PXMP2: variants seen among roughly 807,000 people sequenced by gnomAD.
The protein encoded by PXMP2 is 22 kDa peroxisomal membrane protein.
Under a neutral mutation model 20.2 loss-of-function variants are expected in PXMP2, and 13 were observed. The ratio of observed to expected loss-of-function variants is 0.64; its 90% confidence interval spans 0.42 to 1.02. The LOEUF (loss-of-function observed/expected upper bound fraction) is 1.02, where lower values mean the gene tolerates loss of function less well. PXMP2 is among the 50% of genes least tolerant of loss of function. The pLI is 0.00. For missense variants in PXMP2, 284 were observed against 251.8 expected (o/e 1.13, Z -0.87); for synonymous variants, 113 against 111.2 (o/e 1.02, Z -0.10).
At chr12:132,693,649 G>T (rs1213347266) in intron 2 of PXMP2, among the ~76,000 whole-genome samples, 24 of 100,698 alleles carry the variant, frequency 2.4e-4, no homozygotes, top group East Asian at 5.8e-4. Context: ...GCCAGTTAGT[G>T]AGCGCCCTTG....
Position 132,696,118 on chromosome 12 carries a change from A to C in PXMP2, c.399+72A>C. 1 of 1,448,614 alleles carries C rather than the reference A, an allele frequency of 6.9e-7. No homozygotes were observed. The highest frequency in any genetic ancestry group is 9.2e-7 in the Non-Finnish European group (1 of 1,081,962). The allele number at this position is 1,448,614 out of a possible 1,614,324, so 89.7% of individuals were successfully genotyped here. Reference sequence around the variant, plus strand: ...GGATTCTTCACCTGACATTCTCGGCAGAATTCAGAGGGTCTGCAGATTTTT... The same window carrying C: ...GGATTCTTCACCTGACATTCTCGGCCGAATTCAGAGGGTCTGCAGATTTTT... On this transcript the variant is annotated intron_variant, in intron 3 of 4. Transcript: ENST00000317479. This position sits in a 1 kb window ranked among gnomAD's most constrained non-coding sequence, Gnocchi z 4.4.
Position 132,687,768 on chromosome 12 carries a change from C to A in PXMP2, c.98C>A (p.Pro33Gln). 1.7e-6 allele frequency: 2 copies of A among 1,188,748 alleles called. No individual in the cohort carries two copies. Among genetic ancestry groups the A allele is most frequent in the Non-Finnish European group, 2.1e-6 (2 of 961,088 alleles). The allele number at this position is 1,188,748 out of a possible 1,614,324, so 73.6% of individuals were successfully genotyped here. ...AQYLLFLRLY[P>Q]VLTKAATSGI... Reference sequence around the variant, plus strand: ...TACCTGCTCTTCCTGCGGCTCTACCCGGTGCTCACCAAGGCGGCCACCAGG... The same window carrying A: ...TACCTGCTCTTCCTGCGGCTCTACCAGGTGCTCACCAAGGCGGCCACCAGG... Residue 33 changes from proline (P) to glutamine (Q), a missense_variant, in exon 1 of 5, where the codon CCG (proline) becomes CAG (glutamine). Pro to Gln is a moderately conservative substitution (Grantham distance 76). Coordinates refer to ENST00000317479, the MANE Select transcript of PXMP2 (RefSeq NM_018663.3).
intron 3 of PXMP2, 88 bp from the exon 4 acceptor site, chr12:132,701,161 TA>T: frequency 1.9e-6 from 3 of 1,558,780 alleles, no homozygotes; most frequent in Non-Finnish European, 2.6e-6. Context: ...AATAGCAGTT[TA>T]AAAACCATCA....
intron 2 of PXMP2, 136 bp from the exon 3 acceptor site, chr12:132,695,748 T>G (rs2043406356): frequency 6.1e-6 from 5 of 815,876 alleles, no homozygotes; most frequent in Non-Finnish European, 8.9e-6. Context: ...CCGACTTATC[T>G]GTACAGACCT....
At chr12:132,689,410 G>A (rs181710447) in intron 1 of PXMP2, among the ~76,000 whole-genome samples, 537 of 152,308 alleles carry the variant, frequency 3.5e-3, no homozygotes, top group Non-Finnish European at 6.3e-3. Context: ...GAACAGCAGG[G>A]CAAAGGTCTC....
intron 4 of PXMP2, chr12:132,702,483 C>T (rs1593110288): frequency 2.4e-6 from 1 of 412,790 alleles, no homozygotes; most frequent in Non-Finnish European, 4.9e-6. Flanking sequence ...GCACCCCCTG[C>T]AGCATGGCAG....
rs867940147 is a variant in PXMP2, at chr12:132,697,807, T to C, written c.399+1761T>C. Among the ~76,000 whole-genome samples the C allele has an allele frequency of 4.6e-5, 7 of 152,278 alleles. No homozygotes were observed. In the South Asian group the frequency reaches 6.2e-4, roughly 14 times the overall value. On this transcript the variant is annotated intron_variant, in intron 3 of 4. Transcript: ENST00000317479. ...GGCACAAGAAGTTTGAGACCCCTAC[T>C]GATAACACAGAAGAGTTCCGGGCCT... is the stretch of plus-strand genomic sequence containing the variant.
At chr12:132,694,078 T>G (rs2043391802) in intron 2 of PXMP2, among the ~76,000 whole-genome samples, 1 of 125,210 alleles carries the variant, frequency 8.0e-6, no homozygotes, top group African/African-American at 3.2e-5. Flanking sequence ...GCCAGTTAGA[T>G]AGTGAGCGCC....
At chr12:132,690,218 C>A in intron 1 of PXMP2, 45 bp from the exon 2 acceptor site, 2 of 1,501,320 alleles carry the variant, frequency 1.3e-6, no homozygotes, top group South Asian at 1.1e-5. Context: ...AAGGGACACC[C>A]TCCTGCTGGT....
At position 132,695,999 on chromosome 12, in the gene PXMP2, G is replaced by T. The variant is rs1163630626; in HGVS notation, c.352G>T (p.Ala118Ser). The T allele has an allele frequency of 7.4e-6, 12 of 1,611,602 alleles. No homozygotes were observed. The highest frequency in any genetic ancestry group is 3.3e-4 in the Middle Eastern group (2 of 6,082). Residue 118 changes from alanine to serine, a missense_variant, in exon 3 of 5, where the codon GCA (alanine) becomes TCA (serine). Physicochemically the swap from Ala to Ser is moderately conservative, Grantham distance 99 (BLOSUM62 1). Coordinates refer to ENST00000317479, the MANE Select transcript of PXMP2 (RefSeq NM_018663.3). ...GCTTCTCCTGGACCGCCTCGTCTTTGCACCGGCCTTCCTCATGTTGTTCTT... is the reference window on the plus strand; with the variant it reads ...GCTTCTCCTGGACCGCCTCGTCTTTTCACCGGCCTTCCTCATGTTGTTCTT... ...RRLLLDRLVF[A>S]PAFLMLFFLI...
In PXMP2 at chr12:132,701,295, TGGCC is replaced by T. The variant is rs769815649; in HGVS notation, c.449_452del (p.Pro150ArgfsTer2). ...CGCCGCCAAGATGAGGGGGGGCTTC[TGGCC>T]GGCGCTGAGGATGAACTGGCGGGTG... On this transcript the variant is annotated frameshift_variant, in exon 4 of 5. Coordinates refer to ENST00000317479, the MANE Select transcript of PXMP2 (RefSeq NM_018663.3). LOFTEE classifies it high-confidence loss of function. The T allele has an allele frequency of 1.9e-6, 3 of 1,612,986 alleles. No homozygotes were observed. In the Admixed American group the frequency reaches 5.0e-5, roughly 27 times the overall value.
intron 2 of PXMP2, among the ~76,000 whole-genome samples, chr12:132,694,178 C>T (rs2043392845): frequency 8.7e-6 from 1 of 114,540 alleles, no homozygotes; most frequent in African/African-American, 3.4e-5. Context: ...TAGTGAGCTC[C>T]CTTAGCTAGT....
intron 3 of PXMP2, among the ~76,000 whole-genome samples, chr12:132,700,105 G>A (rs1263049223): frequency 4.0e-5 from 6 of 149,520 alleles, no homozygotes; most frequent in Non-Finnish European, 5.9e-5. Flanking sequence ...GCAGTGGCAC[G>A]ATCTCGGCTC....
intron 1 of PXMP2, chr12:132,688,016 G>A (rs2043320102): frequency 3.3e-6 from 1 of 299,208 alleles, no homozygotes; most frequent in East Asian, 1.1e-4. Context: ...CCCAGCGCGT[G>A]GAGGGCCCGC....
At chr12:132,701,618 C>T (rs185817303) in intron 4 of PXMP2, 2 of 506,088 alleles carry the variant, frequency 4.0e-6, no homozygotes, top group East Asian at 4.0e-5. Flanking sequence ...CCCGAGTGGT[C>T]GTCTTTGCCT....
chr12:132,692,564 ACCCTTGCCAGTTAGTTAGTGAGCG>A (rs2043376580), intron 2 of PXMP2, among the ~76,000 whole-genome samples: 1 of 42,682 alleles, frequency 2.3e-5, no homozygotes, highest in Non-Finnish European at 4.9e-5. Flanking sequence ...GTTAGTGAGC[ACCCTTGCCAGTTAGTTAGTGAGCG>A]CCCTTGCCAG....
intron 1 of PXMP2, 64 bp from the exon 2 acceptor site, chr12:132,690,199 C>T: frequency 1.5e-6 from 2 of 1,346,756 alleles, no homozygotes; most frequent in Non-Finnish European, 2.1e-6. Flanking sequence ...TGCTAATTCA[C>T]CTATGGGAAA....
chr12:132,697,786 C>T (rs991875723), intron 3 of PXMP2, among the ~76,000 whole-genome samples: 1 of 152,092 alleles, frequency 6.6e-6, no homozygotes, highest in Non-Finnish European at 1.5e-5. Context: ...ATCTGTGGCA[C>T]AAGAAGTTTG....
chr12:132,693,975 C>CAGTT (rs556959632), intron 2 of PXMP2, among the ~76,000 whole-genome samples: 7 of 46,310 alleles, frequency 1.5e-4, no homozygotes, highest in African/African-American at 4.0e-4. Flanking sequence ...CTCCCTTAGC[C>CAGTT]AGTTAGTGAG....
Sources: allele counts gnomAD v4.1 joint callset (sites outside exome capture counted in the v4.1 genomes callset), GRCh38; gene constraint gnomAD v4.1.1; non-coding constraint Gnocchi (gnomAD v3.1); transcripts MANE v1.5; gene names NCBI Gene and HGNC (gene_info 2026-07-23, HGNC 2026-07-21).